Variants in FA2H observed in about 807,000 individuals in gnomAD.
The protein encoded by FA2H is fatty acid 2-hydroxylase.
FA2H carries 22 observed loss-of-function variants against 44.9 expected under a neutral mutation model. The ratio of observed to expected loss-of-function variants is 0.49; its 90% CI spans 0.35 to 0.70. The LOEUF (loss-of-function observed/expected upper bound fraction) is 0.70. FA2H is among the 30% of genes least tolerant of loss of function. The pLI, the probability that FA2H is intolerant of heterozygous loss-of-function variation, is 0.01. For synonymous variants in FA2H, 243 were observed against 213.2 expected (o/e 1.14, Z -1.22); for missense variants, 501 against 504.9 (o/e 0.99, Z 0.07).
At chr16:74,736,484 C>T (rs148193703) in intron 2 of FA2H, among the ~76,000 whole-genome samples, 1 of 152,244 alleles carries the variant, frequency 6.6e-6, no homozygotes, top group Non-Finnish European at 1.5e-5. Context: ...AGTGACTGAT[C>T]TGGGGGTCCT....
intron 2 of FA2H, among the ~76,000 whole-genome samples, chr16:74,728,469 G>A (rs1170064076): frequency 3.3e-5 from 5 of 152,134 alleles, no homozygotes; most frequent in Admixed American, 6.5e-5. Context: ...TTTGACAAGG[G>A]GGAGAGAGGA....
chr16:74,750,775 G>GTGTGTGTGTGTGTGTGTGTT (rs1962513153), intron 1 of FA2H, among the ~76,000 whole-genome samples: 2 of 150,492 alleles, frequency 1.3e-5, no homozygotes, highest in African/African-American at 5.0e-5. Flanking sequence ...GTGTGTGTGT[G>GTGTGTGTGTGTGTGTGTGTT]TGTGTGTGTG....
Position 74,714,178 on chromosome 16 carries a change from G to T in FA2H, c.*12C>A. The stretch of plus-strand genomic sequence containing the variant: ...GGCCGGGCTGAGGGCAGGACGGAGG[G>T]GGTGGGAGTTGTCACTGCGTCTTCA... On this transcript the variant is annotated 3_prime_UTR_variant, in exon 7 of 7. Transcript: ENST00000219368. The T allele has an allele frequency of 6.5e-7, 1 of 1,537,362 alleles. No individual in the cohort carries two copies. The highest frequency in any genetic ancestry group is 8.8e-7 in the Non-Finnish European group (1 of 1,132,678).
chr16:74,721,860 G>A (rs911848773), intron 4 of FA2H, among the ~76,000 whole-genome samples: 1 of 152,214 alleles, frequency 6.6e-6, no homozygotes, highest in African/African-American at 2.4e-5. Context: ...TGCTTCTCAG[G>A]GAAGAGGTGT....
intron 1 of FA2H, among the ~76,000 whole-genome samples, chr16:74,771,921 T>G (rs1417570789): frequency 6.6e-6 from 1 of 150,990 alleles, no homozygotes. Flanking sequence ...AATCTGACCA[T>G]GAACCCTGCC....
intron 1 of FA2H, among the ~76,000 whole-genome samples, chr16:74,772,730 T>G (rs1962932193): frequency 6.6e-6 from 1 of 152,200 alleles, no homozygotes; most frequent in African/African-American, 2.4e-5. Context: ...TTCCATGGTT[T>G]CAGTAACCCA....
In FA2H at chr16:74,774,469, C is replaced by A. The variant is rs563704645; in HGVS notation, c.270+17G>T. 2.7e-6 allele frequency: 4 copies of A among 1,495,846 alleles called. No individual in the cohort carries two copies. The highest frequency in any genetic ancestry group is 3.5e-6 in the Non-Finnish European group (4 of 1,128,442). The allele number at this position is 1,495,846 out of a possible 1,614,324, so 92.7% of individuals were successfully genotyped here. The stretch of plus-strand genomic sequence containing the variant: ...CGGAGGCCTGGGTTGGGGTGGGGGG[C>A]CCCGGCCCGGCTGTACCTGCTGCTC... On this transcript the variant is annotated intron_variant, in intron 1 of 6. Transcript: ENST00000219368.
At chr16:74,730,365 A>G (rs555742792) in intron 2 of FA2H, among the ~76,000 whole-genome samples, 1 of 152,268 alleles carries the variant, frequency 6.6e-6, no homozygotes, top group East Asian at 1.9e-4. Flanking sequence ...GATCCAAGTC[A>G]GCCTGGAGCT....
At chr16:74,763,900 T>C (rs913190349) in intron 1 of FA2H, among the ~76,000 whole-genome samples, 2 of 152,196 alleles carry the variant, frequency 1.3e-5, no homozygotes, top group African/African-American at 4.8e-5. Context: ...TTAAAGCAAA[T>C]CCCACCACCT....
chr16:74,725,579 G>C (rs1567636626), intron 4 of FA2H, among the ~76,000 whole-genome samples: 1 of 152,194 alleles, frequency 6.6e-6, no homozygotes, highest in Non-Finnish European at 1.5e-5. Context: ...CTACTCCCTT[G>C]ATATCTCTGA....
At chr16:74,719,228 G>C (rs923346045) in intron 4 of FA2H, 68 bp from the exon 5 acceptor site, 1 of 1,420,608 alleles carries the variant, frequency 7.0e-7, no homozygotes. Flanking sequence ...AGGTGTCCCT[G>C]CCTCACCATC....
chr16:74,740,480 C>A (rs745793881), intron 1 of FA2H, among the ~76,000 whole-genome samples: 28 of 151,546 alleles, frequency 1.8e-4, no homozygotes, highest in South Asian at 8.4e-4. Context: ...GTTTACCAGG[C>A]GTGGTGGTGC....
At chr16:74,769,673 G>C (rs1469397117) in intron 1 of FA2H, among the ~76,000 whole-genome samples, 5 of 152,190 alleles carry the variant, frequency 3.3e-5, no homozygotes, top group African/African-American at 1.2e-4. Flanking sequence ...AGGAGGTTTA[G>C]ACCTAAAGTC....
chr16:74,739,286 A>G (rs955356668), intron 2 of FA2H, among the ~76,000 whole-genome samples: 1 of 152,130 alleles, frequency 6.6e-6, no homozygotes, highest in African/African-American at 2.4e-5. Flanking sequence ...GTTTATGGAC[A>G]TGCACATTTG....
chr16:74,760,638 C>G (rs954656083), intron 1 of FA2H, among the ~76,000 whole-genome samples: 1 of 152,188 alleles, frequency 6.6e-6, no homozygotes, highest in African/African-American at 2.4e-5. Context: ...CATTGCCTCA[C>G]GTCATCCTAG....
chr16:74,751,766 C>A (rs968648033), intron 1 of FA2H, among the ~76,000 whole-genome samples: 1 of 152,158 alleles, frequency 6.6e-6, no homozygotes. Flanking sequence ...GGACACAGCT[C>A]TAGACCAGTG....
intron 1 of FA2H, among the ~76,000 whole-genome samples, chr16:74,771,717 T>G (rs1962910943): frequency 6.6e-6 from 1 of 152,122 alleles, no homozygotes; most frequent in South Asian, 2.1e-4. Context: ...CAGATTAAAC[T>G]GGGCCCTCAC....
chr16:74,718,147 C>T (rs895916523), intron 5 of FA2H, among the ~76,000 whole-genome samples: 6 of 152,200 alleles, frequency 3.9e-5, no homozygotes, highest in South Asian at 2.1e-4. Context: ...AACCCCGAAT[C>T]GGCTCATCGA....
intron 1 of FA2H, among the ~76,000 whole-genome samples, chr16:74,763,909 C>G (rs1286202715): frequency 6.6e-6 from 1 of 152,204 alleles, no homozygotes; most frequent in Non-Finnish European, 1.5e-5. Flanking sequence ...ATCCCACCAC[C>G]TTCAAATTTG....
Sources: allele counts gnomAD v4.1 joint callset (sites outside exome capture counted in the v4.1 genomes callset), GRCh38; gene constraint gnomAD v4.1.1; transcripts MANE v1.5; gene names NCBI Gene and HGNC (gene_info 2026-07-23, HGNC 2026-07-21).